HMGCLL1: variants seen among roughly 807,000 people sequenced by gnomAD.
HMGCLL1 encodes 3-hydroxymethyl-3-methylglutaryl-CoA lyase, cytoplasmic.
In HMGCLL1, 36 loss-of-function variants were observed where a neutral mutation model predicts 39.1. The observed-to-expected ratio is 0.92, with a 90% CI of 0.71 to 1.22. The LOEUF is 1.22. Among genes scored for constraint, HMGCLL1 ranks in the 50% most tolerant of loss-of-function variants. HMGCLL1 has a pLI of 0.00. For synonymous variants in HMGCLL1, 149 were observed against 144.0 expected, an observed-to-expected ratio of 1.03 and a Z score of -0.25; for missense variants, 451 against 416.5, an observed-to-expected ratio of 1.08 and a Z score of -0.72.
the HMGCLL1 span, among the ~76,000 whole-genome samples, chr6:55,617,930 T>C: frequency 6.6e-6 from 1 of 152,108 alleles, no homozygotes; most frequent in Admixed American, 6.6e-5. Context: ...GTTCATACAA[T>C]GGAACATTAC....
At chr6:55,540,050 G>A (rs1221629813) in intron 3 of HMGCLL1, among the ~76,000 whole-genome samples, 1 of 114,108 alleles carries the variant, frequency 8.8e-6, no homozygotes, top group Non-Finnish European at 1.9e-5. Flanking sequence ...GGGAGGGAGG[G>A]AAGGAAGCAA....
chr6:55,656,711 G>A, the HMGCLL1 span, among the ~76,000 whole-genome samples: 3 of 152,104 alleles, frequency 2.0e-5, no homozygotes, highest in Non-Finnish European at 4.4e-5. Flanking sequence ...TTAAACTATC[G>A]AAGGTTTCTT....
At chr6:55,505,113 TA>T (rs1219150112) in intron 5 of HMGCLL1, among the ~76,000 whole-genome samples, 2 of 151,596 alleles carry the variant, frequency 1.3e-5, no homozygotes, top group African/African-American at 4.8e-5. Context: ...AAACATGATA[TA>T]AAAGAAGACG....
At chr6:55,542,280 T>A in intron 1 of HMGCLL1, 140 bp from the exon 2 acceptor site, 1 of 529,742 alleles carries the variant, frequency 1.9e-6, no homozygotes, top group Non-Finnish European at 3.3e-6. Flanking sequence ...AATGATATCA[T>A]GAAAATGCAC....
chr6:55,624,868 C>A, the HMGCLL1 span, among the ~76,000 whole-genome samples: 1 of 152,082 alleles, frequency 6.6e-6, no homozygotes, highest in African/African-American at 2.4e-5. Context: ...CAACACCTTC[C>A]TGATTTGGAT....
intron 1 of HMGCLL1, chr6:55,576,983 G>A: frequency 6.6e-7 from 1 of 1,509,408 alleles, no homozygotes; most frequent in Non-Finnish European, 9.1e-7. Flanking sequence ...AGAAAACACT[G>A]GTACACAAAC....
chr6:55,554,724 GCCAGGGAAGGGGTCCTCCTTGC>G (rs1219866083), intron 1 of HMGCLL1, among the ~76,000 whole-genome samples: 1 of 152,058 alleles, frequency 6.6e-6, no homozygotes, highest in Non-Finnish European at 1.5e-5. Context: ...AGGCACCATG[GCCAGGGAAGGGGTCCTCCTTGC>G]CCAGGTCTAA....
At chr6:55,467,325 G>GT (rs1207140108) in intron 7 of HMGCLL1, among the ~76,000 whole-genome samples, 5 of 151,984 alleles carry the variant, frequency 3.3e-5, no homozygotes, top group Non-Finnish European at 7.4e-5. Context: ...ATATTTTCAT[G>GT]TTTTTTTGCA....
chr6:55,459,027 A>G (rs1764445270), intron 7 of HMGCLL1, among the ~76,000 whole-genome samples: 1 of 152,210 alleles, frequency 6.6e-6, no homozygotes, highest in South Asian at 2.1e-4. Context: ...AGAGTGCAAT[A>G]TGAATTTTAT....
intron 7 of HMGCLL1, among the ~76,000 whole-genome samples, chr6:55,480,876 A>T (rs536937861): frequency 3.1e-4 from 47 of 152,280 alleles, no homozygotes; most frequent in African/African-American, 1.1e-3. Flanking sequence ...GAAATAAGCC[A>T]GGCACAGAAA....
chr6:55,628,808 G>T, the HMGCLL1 span, among the ~76,000 whole-genome samples: 1 of 152,206 alleles, frequency 6.6e-6, no homozygotes, highest in African/African-American at 2.4e-5. Context: ...TTATAAGAAG[G>T]AGTTTCCATG....
chr6:55,676,594 G>C, the HMGCLL1 span, among the ~76,000 whole-genome samples: 1 of 152,112 alleles, frequency 6.6e-6, no homozygotes, highest in Non-Finnish European at 1.5e-5. Context: ...CTTAATAATG[G>C]CAGTGGAGGG....
intron 7 of HMGCLL1, among the ~76,000 whole-genome samples, chr6:55,472,547 A>T (rs1358255505): frequency 6.6e-6 from 1 of 151,514 alleles, no homozygotes; most frequent in Non-Finnish European, 1.5e-5. Flanking sequence ...ATATTAATTC[A>T]AAATATCTTT....
At chr6:55,553,202 C>CACACACACAT (rs1554158788) in intron 1 of HMGCLL1, among the ~76,000 whole-genome samples, 309 of 148,570 alleles carry the variant, frequency 2.1e-3, no homozygotes, top group African/African-American at 7.3e-3. Context: ...CACACACACA[C>CACACACACAT]ATACACACAC....
At chr6:55,649,644 T>C in the HMGCLL1 span, among the ~76,000 whole-genome samples, 1 of 152,006 alleles carries the variant, frequency 6.6e-6, no homozygotes, top group Non-Finnish European at 1.5e-5. Context: ...GAAAGTTGTC[T>C]GATATTATCC....
chr6:55,607,238 T>C, the HMGCLL1 span, among the ~76,000 whole-genome samples: 1 of 152,174 alleles, frequency 6.6e-6, no homozygotes, highest in South Asian at 2.1e-4. Flanking sequence ...AAAGCAAATT[T>C]TGCATTTCTA....
chr6:55,468,685 G>T (rs188155469), intron 7 of HMGCLL1, among the ~76,000 whole-genome samples: 260 of 151,926 alleles, frequency 1.7e-3, no homozygotes, highest in Admixed American at 2.8e-3. Flanking sequence ...ACAGATAAGG[G>T]AACAATGGAG....
At chr6:55,513,666 A>T (rs73746355) in intron 5 of HMGCLL1, 4,580 of 193,006 alleles carry the variant, frequency 0.024, 221 homozygotes, top group African/African-American at 0.1. Flanking sequence ...GTCATGTTTT[A>T]AAAAAAATTT....
At chr6:55,658,068 A>T in the HMGCLL1 span, among the ~76,000 whole-genome samples, 5 of 147,126 alleles carry the variant, frequency 3.4e-5, no homozygotes, top group Admixed American at 1.3e-4. Context: ...TAAAAATTTA[A>T]AAAAAAAGTG....
Sources: allele counts gnomAD v4.1 joint callset (sites outside exome capture counted in the v4.1 genomes callset), GRCh38; gene constraint gnomAD v4.1.1; transcripts MANE v1.5; gene names NCBI Gene and HGNC (gene_info 2026-07-23, HGNC 2026-07-21).